TTC6: variants seen among roughly 807,000 people sequenced by gnomAD.
TTC6 encodes the protein tetratricopeptide repeat protein 6.
A neutral mutation model predicts 210.4 loss-of-function variants in TTC6; 172 were observed. The ratio of observed to expected loss-of-function variants is 0.82; its 90% confidence interval spans 0.72 to 0.93. The LOEUF is 0.93. Among genes scored for constraint, TTC6 ranks in the 40% least tolerant of loss-of-function variants. The pLI is 0.00. For synonymous variants in TTC6, 804 were observed against 819.6 expected, an observed-to-expected ratio of 0.98 and a Z score of 0.32; for missense variants, 2,414 against 2,318.1, an observed-to-expected ratio of 1.04 and a Z score of -0.85.
Position 37,805,946 on chromosome 14 carries a change from C to T in TTC6, c.4165-415C>T, listed in dbSNP as rs540724801. ...TCATCTTTTCACCTCATGATCCGCC[C>T]GCCTTGGTCTCTCAAAGTGCTGGGA... On this transcript the variant is annotated intron_variant, in intron 21 of 30. Coordinates refer to ENST00000553443, the Ensembl canonical transcript of TTC6. Among the ~76,000 whole-genome samples, 42 of 152,180 alleles carry T rather than the reference C, an allele frequency of 2.8e-4. No individual in the cohort carries two copies. In the South Asian group the frequency reaches 7.3e-3, roughly 26 times the overall value.
chr14:37,698,823 A>T (rs185693808), intron 4 of TTC6, among the ~76,000 whole-genome samples: 2 of 152,320 alleles, frequency 1.3e-5, no homozygotes, highest in Admixed American at 1.3e-4. Context: ...ATATTTCTGC[A>T]GGCTGGGAAT....
At chr14:37,751,082 A>C (rs1385146299) in exon 13 of TTC6, 2 of 1,523,184 alleles carry the variant, frequency 1.3e-6, no homozygotes, top group Non-Finnish European at 1.8e-6. Context: ...AGAAATTTAC[A>C]GGGGAAAAAA....
rs191468700 is a variant in TTC6 at position 37,709,980 on chromosome 14, T to C, written c.1572-4675T>C. ...AAATTGTGGATTGCGACCCAGTGAG[T>C]GGGTTGTGAAATCAGTTTAGCGATT... On this transcript the variant is annotated intron_variant, in intron 5 of 30. Transcript: ENST00000553443. Among the ~76,000 whole-genome samples the C allele has an allele frequency of 1.5e-3, 225 of 152,222 alleles. 3 individuals are homozygous for C. Among genetic ancestry groups the C allele is most frequent in the Admixed American group, 0.012 (187 of 15,284 alleles).
At chr14:37,789,495 C>T (rs1276204978) in intron 15 of TTC6, among the ~76,000 whole-genome samples, 1 of 151,022 alleles carries the variant, frequency 6.6e-6, no homozygotes, top group African/African-American at 2.4e-5. Flanking sequence ...ACTGTATATA[C>T]TATGGTTAAA....
intron 25 of TTC6, among the ~76,000 whole-genome samples, chr14:37,815,174 A>C (rs1420205232): frequency 6.6e-6 from 1 of 152,200 alleles, no homozygotes; most frequent in Non-Finnish European, 1.5e-5. Context: ...TCTCGATCTA[A>C]ATGCCTCAAA....
At chr14:37,787,341 C>A in intron 14 of TTC6, 127 bp from the exon 17 acceptor site, 1 of 698,572 alleles carries the variant, frequency 1.4e-6, no homozygotes, top group Non-Finnish European at 2.2e-6. Context: ...CATGACTAAA[C>A]TCTCTTGTGA....
intron 1 of TTC6, among the ~76,000 whole-genome samples, chr14:37,666,999 C>T (rs764643569): frequency 6.7e-6 from 1 of 150,374 alleles, no homozygotes; most frequent in Admixed American, 6.6e-5. Flanking sequence ...TATTTTTCTT[C>T]TGATTTTTTA....
intron 2 of TTC6, among the ~76,000 whole-genome samples, chr14:37,607,530 T>C: frequency 6.6e-6 from 1 of 152,204 alleles, no homozygotes; most frequent in East Asian, 1.9e-4. Flanking sequence ...TGTTTCAATA[T>C]TACTATTTGA....
intron 14 of TTC6, among the ~76,000 whole-genome samples, chr14:37,772,146 A>C (rs995498682): frequency 6.6e-6 from 1 of 152,198 alleles, no homozygotes; most frequent in Non-Finnish European, 1.5e-5. Context: ...CCATTTGAGG[A>C]GGCAGTCTGC....
chr14:37,703,749 C>T (rs976959499), intron 5 of TTC6, among the ~76,000 whole-genome samples: 10 of 152,116 alleles, frequency 6.6e-5, no homozygotes, highest in Middle Eastern at 3.4e-3. Flanking sequence ...TTCAAACTTA[C>T]GCTTATTTTG....
chr14:37,637,999 T>G (rs981064626), intron 1 of TTC6, among the ~76,000 whole-genome samples: 10 of 152,192 alleles, frequency 6.6e-5, no homozygotes, highest in Non-Finnish European at 1.5e-4. Flanking sequence ...TTGCTCAGAA[T>G]AGAAAATTTA....
At chr14:37,679,526 T>G (rs1157746160) in intron 1 of TTC6, among the ~76,000 whole-genome samples, 1 of 152,148 alleles carries the variant, frequency 6.6e-6, no homozygotes, top group African/African-American at 2.4e-5. Flanking sequence ...AATTTTAGTT[T>G]TGATTTTATC....
At chr14:37,660,385 C>T (rs1183208705) in intron 1 of TTC6, among the ~76,000 whole-genome samples, 1 of 152,166 alleles carries the variant, frequency 6.6e-6, no homozygotes, top group African/African-American at 2.4e-5. Context: ...CTCCCCCACA[C>T]CTCACCCCTG....
intron 4 of TTC6, among the ~76,000 whole-genome samples, chr14:37,698,900 A>G (rs748043120): frequency 2.6e-5 from 4 of 152,204 alleles, no homozygotes; most frequent in Non-Finnish European, 4.4e-5. Context: ...CTCATTTATC[A>G]GAAGACTTTT....
chr14:37,625,378 T>C (rs1056032120), intron 1 of TTC6, among the ~76,000 whole-genome samples: 3 of 151,358 alleles, frequency 2.0e-5, no homozygotes, highest in African/African-American at 7.3e-5. Context: ...TGAAACCCCA[T>C]CTCTACTAAA....
At chr14:37,602,137 C>T (rs1471848326) in intron 1 of TTC6, among the ~76,000 whole-genome samples, 4 of 152,206 alleles carry the variant, frequency 2.6e-5, no homozygotes, top group Non-Finnish European at 5.9e-5. Flanking sequence ...TCTGCGCGCC[C>T]GCAGGGCAGG....
At chr14:37,732,730 G>A (rs1302853002) in intron 7 of TTC6, among the ~76,000 whole-genome samples, 1 of 151,656 alleles carries the variant, frequency 6.6e-6, no homozygotes, top group Admixed American at 6.6e-5. Context: ...GCCATTCTCT[G>A]CCTCAGCCTC....
chr14:37,739,118 C>T (rs1415528996), exon 10 of TTC6: 4 of 1,522,120 alleles, frequency 2.6e-6, no homozygotes, highest in Non-Finnish European at 3.5e-6. Context: ...TATATTCGTG[C>T]ATGAAGAGTT....
chr14:37,659,145 G>GA lies in TTC6; in HGVS notation c.940-21006_940-21005insA, dbSNP rs370702327. Among the ~76,000 whole-genome samples the GA allele has an allele frequency of 2.5e-3, 384 of 152,156 alleles. 2 individuals carry two copies. Among genetic ancestry groups the GA allele is most frequent in the African/African-American group, 8.9e-3 (368 of 41,500 alleles). ...TTTTATGGCTGCATAGTATTTCATG[G>GA]TATATACGTACCACATTTTCTTTAT... On this transcript the variant is annotated intron_variant, in intron 1 of 30. Coordinates refer to ENST00000553443, the Ensembl canonical transcript of TTC6.
Sources: allele counts gnomAD v4.1 joint callset (sites outside exome capture counted in the v4.1 genomes callset), GRCh38; gene constraint gnomAD v4.1.1; transcripts MANE v1.5; gene names NCBI Gene and HGNC (gene_info 2026-07-23, HGNC 2026-07-21).